SREBF1: variants seen among roughly 807,000 people sequenced by gnomAD.
SREBF1 encodes sterol regulatory element binding transcription factor 1.
A neutral mutation model predicts 100.1 loss-of-function variants in SREBF1; 45 were observed. That is an observed-to-expected ratio of 0.45 (90% CI 0.35 to 0.58). The LOEUF (loss-of-function observed/expected upper bound fraction) is 0.58. SREBF1 is among the 20% of genes least tolerant of loss of function. The probability of loss-of-function intolerance (pLI) is 0.00; values close to 1 mark genes in which losing one functional copy is unlikely to be tolerated. For missense variants in SREBF1, 1,324 were observed against 1,539.4 expected, an observed-to-expected ratio of 0.86 and a Z score of 2.34; for synonymous variants, 657 against 681.8, an observed-to-expected ratio of 0.96 and a Z score of 0.57.
chr17:17,823,528 G>A (rs778830955), intron 1 of SREBF1: 1 of 1,612,704 alleles, frequency 6.2e-7, no homozygotes, highest in Non-Finnish European at 8.5e-7. Context: ...CTTCGAAAGT[G>A]CAATCCATGG....
chr17:17,832,714 A>T (rs562165527), intron 1 of SREBF1, among the ~76,000 whole-genome samples: 2 of 152,154 alleles, frequency 1.3e-5, no homozygotes, highest in South Asian at 4.2e-4. Context: ...AGGTCAGGAG[A>T]TCGAGACCAT....
Position 17,814,395 on chromosome 17 carries a change from C to T in SREBF1, c.2751G>A (p.Arg917=), listed in dbSNP as rs774799570. The T allele has an allele frequency of 5.5e-5, 86 of 1,558,658 alleles. 1 individual carries two copies. In the Admixed American group the frequency reaches 1.6e-3, roughly 29 times the overall value. ...VLQESERPLP[R]AALHSFKAAR... is the part of the protein sequence containing the mutation. ...CAGCCTTGAAGGAGTGCAGAGCTGC[C>T]CTGGGCAGGGGTCTCCTGTTGGGAC... Residue 917 remains arginine (R), a synonymous_variant, in exon 16 of 19, where the codon AGG becomes AGA. Transcript: ENST00000261646.
intron 1 of SREBF1, among the ~76,000 whole-genome samples, chr17:17,833,420 CAAAAAAAAAAAAAAAAA>C (rs56369932): frequency 2.0e-5 from 1 of 51,088 alleles, no homozygotes; most frequent in Non-Finnish European, 3.0e-5. Context: ...GACTCCGTCT[CAAAAAAAAAAAAAAAAA>C]AAAAAAAAAA....
intron 6 of SREBF1, 86 bp downstream of exon 6, chr17:17,818,174 G>A: frequency 8.7e-7 from 1 of 1,146,940 alleles, no homozygotes; most frequent in Non-Finnish European, 1.3e-6. Context: ...CCAAGGGTGG[G>A]GTGGGGCTAG....
chr17:17,815,905 G>GCA lies in SREBF1; in HGVS notation c.2336_2337dup (p.Leu780CysfsTer23). On this transcript the variant is annotated frameshift_variant, in exon 12 of 19. Transcript: ENST00000261646. LOFTEE classifies it high-confidence loss of function. ...TACAGGCTCTCCCATGGGGTACTGA[G>GCA]CACGGACCAGTCCCCATCCACGAAG... 1 of 1,612,996 alleles carries GCA rather than the reference G, an allele frequency of 6.2e-7. No homozygotes were observed. Among genetic ancestry groups the GCA allele is most frequent in the East Asian group, 2.2e-5 (1 of 44,882 alleles).
Position 17,813,618 on chromosome 17 carries a change from A to T in SREBF1, c.3053T>A (p.Leu1018Gln). The T allele has an allele frequency of 6.3e-7, 1 of 1,587,074 alleles. No homozygotes were observed. Among genetic ancestry groups the T allele is most frequent in the South Asian group, 1.1e-5 (1 of 88,564 alleles). ...ALELRGFQRD[L>Q]SSLRRLAQSF... is the part of the protein sequence containing the mutation. The stretch of plus-strand genomic sequence containing the variant: ...CTGTGCCAGCCGCCTCAGGCTGCTC[A>T]GGTCCCGTTGGAAGCCACGCAGCTC... Residue 1018 changes from leucine to glutamine, a missense_variant, in exon 17 of 19, where the codon CTG becomes CAG. Transcript: ENST00000261646.
chr17:17,821,542 G>A (rs538315328), intron 1 of SREBF1, among the ~76,000 whole-genome samples: 1 of 152,080 alleles, frequency 6.6e-6, no homozygotes, highest in African/African-American at 2.4e-5. Context: ...AGGATCCTCT[G>A]GGCACTGAAT....
intron 1 of SREBF1, among the ~76,000 whole-genome samples, chr17:17,827,391 C>T (rs2034556082): frequency 1.3e-5 from 2 of 152,202 alleles, no homozygotes; most frequent in Non-Finnish European, 2.9e-5. Context: ...CACACCCTCT[C>T]GGCCTGCTAA....
chr17:17,818,617 G>A (rs527668474), intron 5 of SREBF1: 222 of 566,576 alleles, frequency 3.9e-4, no homozygotes, highest in South Asian at 1.4e-3. Context: ...TGTGCCTGCC[G>A]CCATCTCAGG....
In SREBF1 at chr17:17,814,227, C is replaced by T; in HGVS notation, c.2901+18G>A. 6.3e-7 allele frequency: 1 copy of T among 1,597,442 alleles called. No homozygotes were observed. On this transcript the variant is annotated intron_variant, in intron 16 of 18. Coordinates refer to ENST00000261646, the MANE Select transcript of SREBF1 (RefSeq NM_004176.5). ...CTGAATCCCCCAGCCCTGCCAGGCC[C>T]CTGACCCCACCCCTCACCTTGTCAA... is the stretch of plus-strand genomic sequence containing the variant.
chr17:17,823,544 C>A (rs746953838), intron 1 of SREBF1: 77 of 1,613,404 alleles, frequency 4.8e-5, no homozygotes, highest in Non-Finnish European at 6.1e-5. Flanking sequence ...CATGGCTCCG[C>A]GATCTGCGCC....
At chr17:17,818,599 G>A in intron 5 of SREBF1, 1 of 584,264 alleles carries the variant, frequency 1.7e-6, no homozygotes, top group South Asian at 1.9e-5. Context: ...GGTCTGGCTA[G>A]CTGCTGCTGT....
chr17:17,826,502 G>T (rs1219263234), intron 1 of SREBF1, among the ~76,000 whole-genome samples: 1 of 152,116 alleles, frequency 6.6e-6, no homozygotes, highest in Non-Finnish European at 1.5e-5. Context: ...AGGCCCTTGT[G>T]GTTCCCACAC....
chr17:17,815,107 G>GC, intron 13 of SREBF1, 114 bp downstream of exon 13: 1 of 1,250,392 alleles, frequency 8.0e-7, no homozygotes, highest in Non-Finnish European at 1.2e-6. Flanking sequence ...AATGAAGCGT[G>GC]CATGGCACGC....
rs749484604 is a variant in SREBF1, at chr17:17,817,232, G to C, written c.1606+24C>G. 13 of 1,608,432 alleles carry C rather than the reference G, an allele frequency of 8.1e-6. No individual in the cohort carries two copies. The highest frequency in any genetic ancestry group is 6.8e-5 in the Admixed American group (4 of 58,808). On this transcript the variant is annotated intron_variant, in intron 8 of 18. Coordinates refer to ENST00000261646, the MANE Select transcript of SREBF1 (RefSeq NM_004176.5). This position sits in a 1 kb window ranked among gnomAD's most constrained non-coding sequence, Gnocchi z 6.6. The stretch of plus-strand genomic sequence containing the variant: ...GCTCACCCCGAGTGTCCCTCCCAAA[G>C]ATGCCCAGGCTGGCCGGTCCCACCT...
At chr17:17,816,822 G>A (rs895099728) in intron 9 of SREBF1, 104 bp from the exon 10 acceptor site, 96 of 1,578,572 alleles carry the variant, frequency 6.1e-5, no homozygotes, top group Non-Finnish European at 8.1e-5. Context: ...GTGGGGGTCT[G>A]CGGATGCGTG....
chr17:17,835,487 G>A (rs1018979620), intron 1 of SREBF1, among the ~76,000 whole-genome samples: 2 of 152,204 alleles, frequency 1.3e-5, no homozygotes, highest in Non-Finnish European at 2.9e-5. Context: ...AGTAGGGCAG[G>A]AGTGGTGGTG....
intron 1 of SREBF1, among the ~76,000 whole-genome samples, chr17:17,825,945 G>A (rs1397053438): frequency 1.3e-5 from 2 of 152,104 alleles, no homozygotes; most frequent in South Asian, 2.1e-4. Context: ...GGTTAAGACT[G>A]AAAAAGGAAA....
At chr17:17,833,467 A>ATG (rs755071166) in intron 1 of SREBF1, among the ~76,000 whole-genome samples, 26,102 of 124,558 alleles carry the variant, frequency 0.21, 4,143 homozygotes, top group Middle Eastern at 0.35. Context: ...ATATATATAT[A>ATG]TATATATACA....
Sources: gnomAD v4.1 joint callset for allele counts (sites outside exome capture counted in the v4.1 genomes callset) on GRCh38, gnomAD v4.1.1 for gene constraint, Gnocchi (gnomAD v3.1) non-coding constraint, MANE v1.5 for transcripts, NCBI Gene and HGNC (gene_info 2026-07-23, HGNC 2026-07-21) for gene names.